SLC22A14: variants seen among roughly 807,000 people sequenced by gnomAD.
SLC22A14 encodes solute carrier family 22 member 14.
Under a neutral mutation model 53.9 loss-of-function variants are expected in SLC22A14, and 50 were observed. The ratio of observed to expected loss-of-function variants is 0.93; its 90% CI spans 0.74 to 1.17. SLC22A14 has a LOEUF of 1.17. Ranked by LOEUF, SLC22A14 falls within the 50% of genes most tolerant of loss-of-function variation. The pLI, the probability that SLC22A14 is intolerant of heterozygous loss-of-function variation, is 0.00. For missense variants in SLC22A14, 671 were observed against 734.7 expected, an observed-to-expected ratio of 0.91 and a Z score of 1.00; for synonymous variants, 312 against 303.0, an observed-to-expected ratio of 1.03 and a Z score of -0.31.
intron 1 of SLC22A14, among the ~76,000 whole-genome samples, chr3:38,299,704 C>G (rs930800470): frequency 6.6e-6 from 1 of 152,116 alleles, no homozygotes; most frequent in African/African-American, 2.4e-5. Context: ...CTGGGACTAA[C>G]AGCATGCATC....
At chr3:38,290,701 G>C (rs1226502602) in intron 1 of SLC22A14, among the ~76,000 whole-genome samples, 2 of 152,208 alleles carry the variant, frequency 1.3e-5, no homozygotes, top group Non-Finnish European at 1.5e-5. Flanking sequence ...GCCATCCTGA[G>C]AGGAGGAAAC....
In SLC22A14 at chr3:38,307,507, G is replaced by A. The variant is rs559564138; in HGVS notation, c.621-59G>A. On this transcript the variant is annotated intron_variant, in intron 3 of 10. Coordinates refer to ENST00000448498, the MANE Select transcript of SLC22A14 (RefSeq NM_001320033.2). The surrounding 1 kb of genome is among the most constrained non-coding windows in gnomAD (Gnocchi z 4.4). ...CTCAGGGCCTGGCCCAGGTGTATCC[G>A]GCTGGGGCCAGCCCGGGAGATCCCG... 23 of 1,602,138 alleles carry A rather than the reference G, an allele frequency of 1.4e-5. No homozygotes were observed. Among genetic ancestry groups the A allele is most frequent in the South Asian group, 1.0e-4 (9 of 89,710 alleles).
intron 4 of SLC22A14, among the ~76,000 whole-genome samples, chr3:38,308,751 A>T (rs1257291822): frequency 6.6e-6 from 1 of 152,108 alleles, no homozygotes; most frequent in African/African-American, 2.4e-5. Flanking sequence ...TGATTAGGAG[A>T]TAAGGGTGTC....
Position 38,308,961 on chromosome 3 carries a change from G to A in SLC22A14, c.783G>A (p.Glu261=). 3.1e-6 allele frequency: 5 copies of A among 1,614,012 alleles called. No homozygotes were observed. In the South Asian group the frequency reaches 4.4e-5, roughly 14 times the overall value. Residue 261 remains glutamate (E), a synonymous_variant, in exon 5 of 11, where the codon GAG becomes GAA. Transcript: ENST00000448498. ...CTCTTGGCCTCTGCACAGCCACTGAGTGGTTAGTGGGTGAGCACCGGGCCC... is the reference window on the plus strand; with the variant it reads ...CTCTTGGCCTCTGCACAGCCACTGAATGGTTAGTGGGTGAGCACCGGGCCC... The part of the protein sequence containing the change: ...YAISSISLAT[E]WLVGEHRAHA...
At chr3:38,299,023 T>C (rs1315688423) in intron 1 of SLC22A14, among the ~76,000 whole-genome samples, 1 of 152,246 alleles carries the variant, frequency 6.6e-6, no homozygotes, top group Admixed American at 6.5e-5. Context: ...TGTACAGTTC[T>C]TTTCATCTTT....
At chr3:38,282,900 A>G (rs1334588216) in intron 1 of SLC22A14, among the ~76,000 whole-genome samples, 2 of 152,150 alleles carry the variant, frequency 1.3e-5, no homozygotes, top group Non-Finnish European at 2.9e-5. Flanking sequence ...TATTGCTGCT[A>G]TAACAAATGC....
upstream of SLC22A14, among the ~76,000 whole-genome samples, chr3:38,279,237 G>T (rs1225624886): frequency 6.6e-6 from 1 of 152,166 alleles, no homozygotes; most frequent in East Asian, 1.9e-4. Context: ...CCCATTCATG[G>T]CATCCTCTTG....
At chr3:38,309,956 G>T (rs1375076837) in intron 5 of SLC22A14, among the ~76,000 whole-genome samples, 1 of 152,178 alleles carries the variant, frequency 6.6e-6, no homozygotes, top group Non-Finnish European at 1.5e-5. Context: ...GCTTCAGAGG[G>T]TGGAAATAAC....
At chr3:38,314,224 A>G (rs194707) in intron 8 of SLC22A14, among the ~76,000 whole-genome samples, 34,983 of 152,168 alleles carry the variant, frequency 0.23, 5,027 homozygotes, top group Non-Finnish European at 0.31. Flanking sequence ...CCAGATTCCA[A>G]TCCACCTTAG....
chr3:38,293,990 T>C (rs55888727), intron 1 of SLC22A14, among the ~76,000 whole-genome samples: 9,786 of 152,286 alleles, frequency 0.064, 375 homozygotes, highest in East Asian at 0.16. Context: ...TATAGCCATC[T>C]GGGTTATCTG....
chr3:38,315,066 C>A (rs1167676969), intron 8 of SLC22A14, among the ~76,000 whole-genome samples: 1 of 152,242 alleles, frequency 6.6e-6, no homozygotes, highest in Non-Finnish European at 1.5e-5. Flanking sequence ...TTGTGCCTGT[C>A]TAGCTGGCCG....
In SLC22A14 at chr3:38,313,819, T is replaced by C. The variant is rs780805093; in HGVS notation, c.1256T>C (p.Met419Thr). Residue 419 changes from methionine to threonine, a missense_variant, in exon 8 of 11, where the codon ATG becomes ACG. Met to Thr is a moderately conservative substitution (Grantham distance 81). Transcript: ENST00000448498. ...TTCAGACACGTGGTCCCCAGCATCA[T>C]GGAGGTGCCTGCCCGGCTGTGCTGC... ...VHFRHVVPSI[M>T]EVPARLCCIF... is the part of the protein sequence containing the mutation. 1.2e-6 allele frequency: 2 copies of C among 1,614,122 alleles called. No individual in the cohort carries two copies. Among genetic ancestry groups the C allele is most frequent in the Non-Finnish European group, 1.7e-6 (2 of 1,180,000 alleles).
intron 1 of SLC22A14, among the ~76,000 whole-genome samples, chr3:38,299,785 T>C (rs116449850): frequency 0.064 from 9,765 of 152,194 alleles, 374 homozygotes; most frequent in East Asian, 0.16. Flanking sequence ...TGGTGTTGAA[T>C]TCCTGGGCTC....
intron 1 of SLC22A14, among the ~76,000 whole-genome samples, chr3:38,284,081 CGAT>C (rs887572285): frequency 1.3e-5 from 2 of 152,184 alleles, no homozygotes; most frequent in Non-Finnish European, 2.9e-5. Context: ...GTCCCGTAGA[CGAT>C]GAGCTGGAGA....
chr3:38,308,819 G>A (rs2125887889), intron 4 of SLC22A14, 135 bp from the exon 5 acceptor site: 1 of 791,232 alleles, frequency 1.3e-6, no homozygotes, highest in East Asian at 2.4e-5. Context: ...TGGACCCAGT[G>A]CAGAGACGAG....
In SLC22A14 at chr3:38,309,042, G is replaced by A. The variant is rs747437112; in HGVS notation, c.864G>A (p.Gly288=). 11 of 1,614,078 alleles carry A rather than the reference G, an allele frequency of 6.8e-6. No individual in the cohort carries two copies. The South Asian group carries it at 1.2e-4, about 18-fold the overall frequency. Residue 288 remains glycine, a synonymous_variant, in exon 5 of 11, where the codon GGG becomes GGA. Coordinates refer to ENST00000448498, the MANE Select transcript of SLC22A14 (RefSeq NM_001320033.2). ...CTGTTGGGGCCGTGTTGCTGACAGG[G>A]ATCGCCTACAGTCTTCCCCACTGGC... ...FFAVGAVLLT[G]IAYSLPHWQL...
At chr3:38,304,138 C>A (rs1704238456) in intron 1 of SLC22A14, among the ~76,000 whole-genome samples, 1 of 151,208 alleles carries the variant, frequency 6.6e-6, no homozygotes, top group African/African-American at 2.4e-5. Flanking sequence ...TTGCAGTGAG[C>A]CGAGATCACA....
intron 1 of SLC22A14, among the ~76,000 whole-genome samples, chr3:38,301,394 A>G (rs1041342726): frequency 6.6e-6 from 1 of 152,276 alleles, no homozygotes; most frequent in Non-Finnish European, 1.5e-5. Flanking sequence ...GAAATGTCAC[A>G]GTATTGCTGT....
At chr3:38,284,538 T>C (rs1040639894) in intron 1 of SLC22A14, among the ~76,000 whole-genome samples, 1 of 152,182 alleles carries the variant, frequency 6.6e-6, no homozygotes, top group African/African-American at 2.4e-5. Context: ...CCCAGAATGC[T>C]GGGAATGTGC....
Sources: gnomAD v4.1 joint callset for allele counts (sites outside exome capture counted in the v4.1 genomes callset) on GRCh38, gnomAD v4.1.1 for gene constraint, Gnocchi (gnomAD v3.1) non-coding constraint, MANE v1.5 for transcripts, NCBI Gene and HGNC (gene_info 2026-07-23, HGNC 2026-07-21) for gene names.